Variants in TNIP1 observed in about 807,000 individuals in gnomAD.
The protein encoded by TNIP1 is TNFAIP3 interacting protein 1.
Under a neutral mutation model 86.6 loss-of-function variants are expected in TNIP1, and 22 were observed. The observed-to-expected ratio is 0.25, with a 90% confidence interval of 0.18 to 0.36. TNIP1 has a LOEUF of 0.36. Among genes scored for constraint, TNIP1 ranks in the 10% least tolerant of loss-of-function variants. The pLI is 1.00. For missense variants in TNIP1, 709 were observed against 820.6 expected, an observed-to-expected ratio of 0.86 and a Z score of 1.66; for synonymous variants, 294 against 313.0, an observed-to-expected ratio of 0.94 and a Z score of 0.64.
chr5:151,075,705 G>A (rs1270077081), intron 1 of TNIP1, among the ~76,000 whole-genome samples: 1 of 152,268 alleles, frequency 6.6e-6, no homozygotes, highest in Non-Finnish European at 1.5e-5. Context: ...ACAGAAGTGG[G>A]CTGGAGAGGG....
intron 1 of TNIP1, among the ~76,000 whole-genome samples, chr5:151,076,807 C>CCTGAA (rs1438826577): frequency 6.6e-6 from 1 of 152,184 alleles, no homozygotes; most frequent in Admixed American, 6.5e-5. Context: ...GCCCTGATCC[C>CCTGAA]AGGGGTCGGG....
At chr5:151,043,036 AC>A in intron 9 of TNIP1, 75 bp from the exon 10 acceptor site, 1 of 1,482,398 alleles carries the variant, frequency 6.7e-7, no homozygotes, top group Non-Finnish European at 9.4e-7. Context: ...CCCCATGTAC[AC>A]CAGCGTCCCA....
At chr5:151,036,749 C>T in intron 13 of TNIP1, 41 bp downstream of exon 13, 1 of 1,613,264 alleles carries the variant, frequency 6.2e-7, no homozygotes, top group Non-Finnish European at 8.5e-7. Context: ...CTCCAGCTCC[C>T]ACAGAGCACC....
At chr5:151,034,420 G>T in intron 15 of TNIP1, 1 of 268,404 alleles carries the variant, frequency 3.7e-6, no homozygotes, top group Non-Finnish European at 6.9e-6. Flanking sequence ...GGGCACGGAA[G>T]GCTGGGTACA....
chr5:151,078,405 C>T (rs1763633554), intron 1 of TNIP1: 6 of 152,188 alleles, frequency 3.9e-5, no homozygotes, highest in Admixed American at 1.3e-4. Flanking sequence ...GAAATACACT[C>T]GAGAGGACTA....
intron 6 of TNIP1, among the ~76,000 whole-genome samples, chr5:151,056,166 C>T (rs758128703): frequency 3.9e-5 from 6 of 152,206 alleles, no homozygotes; most frequent in Non-Finnish European, 5.9e-5. Context: ...TAAAGGGTCA[C>T]TACTGGAACC....
In TNIP1 at chr5:151,062,433, T is replaced by C. The variant is rs186282641; in HGVS notation, c.272-221A>G. Among the ~76,000 whole-genome samples, 12 of 152,350 alleles carry C rather than the reference T, an allele frequency of 7.9e-5. No homozygotes were observed. In the East Asian group the frequency reaches 2.3e-3, roughly 29 times the overall value. Reference sequence around the variant, plus strand: ...AGCAGAGAGACCATGCTCCCTGGGCTTACTGGGAAAATCCCAAGTTGGCTG... The same window carrying C: ...AGCAGAGAGACCATGCTCCCTGGGCCTACTGGGAAAATCCCAAGTTGGCTG... On this transcript the variant is annotated intron_variant, in intron 3 of 17. Transcript: ENST00000521591.
At chr5:151,083,679 C>T (rs921685606), upstream of TNIP1, among the ~76,000 whole-genome samples, 4 of 152,186 alleles carry the variant, frequency 2.6e-5, no homozygotes, top group African/African-American at 7.2e-5. Context: ...TTTTAAAGCA[C>T]GCAACTTCTC....
chr5:151,078,209 A>T (rs1450444699), intron 1 of TNIP1, among the ~76,000 whole-genome samples: 2 of 152,352 alleles, frequency 1.3e-5, no homozygotes, highest in South Asian at 4.1e-4. Context: ...AGAACACTGC[A>T]TGGCACTGGG....
chr5:151,057,024 T>C (rs1760759846), intron 5 of TNIP1, 67 bp from the exon 6 acceptor site: 24 of 1,301,162 alleles, frequency 1.8e-5, no homozygotes, highest in African/African-American at 3.1e-5. Flanking sequence ...CAGTCCATTC[T>C]CCCTCTGCTT....
At chr5:151,059,261 T>G (rs1761074916) in intron 5 of TNIP1, among the ~76,000 whole-genome samples, 1 of 152,232 alleles carries the variant, frequency 6.6e-6, no homozygotes, top group Non-Finnish European at 1.5e-5. Flanking sequence ...CTTGCCTCCA[T>G]GGCCAGCATC....
At chr5:151,053,320 G>A (rs1246505971) in intron 6 of TNIP1, among the ~76,000 whole-genome samples, 1 of 152,026 alleles carries the variant, frequency 6.6e-6, no homozygotes, top group Non-Finnish European at 1.5e-5. Flanking sequence ...ATGTTGGCCA[G>A]GCTGGTATCA....
At position 151,030,376 on chromosome 5, in the gene TNIP1, G is replaced by T. The variant is rs968823122; in HGVS notation, c.*337C>A. Reference sequence around the variant, plus strand: ...CTTCCGGGAGGTTTTGAAGGAAGGGGGTCTTGGCTGCCTCCCACTCTTAGG... The same window carrying T: ...CTTCCGGGAGGTTTTGAAGGAAGGGTGTCTTGGCTGCCTCCCACTCTTAGG... On this transcript the variant is annotated 3_prime_UTR_variant, in exon 18 of 18. Transcript: ENST00000521591. 2.1e-6 allele frequency: 1 copy of T among 470,202 alleles called. No individual in the cohort carries two copies. The highest frequency in any genetic ancestry group is 2.0e-5 in the African/African-American group (1 of 50,866). The allele number at this position is 470,202 out of a possible 1,614,324, so 29.1% of individuals were successfully genotyped here. A position where few individuals can be genotyped will look rare whatever the true frequency, so the allele number is the denominator to read the frequency against.
chr5:151,043,071 A>T, intron 9 of TNIP1, 110 bp from the exon 10 acceptor site: 3 of 1,090,590 alleles, frequency 2.8e-6, no homozygotes, highest in Non-Finnish European at 4.2e-6. Context: ...GTGTGTGAAT[A>T]GTGGCTACAG....
chr5:151,041,287 T>C (rs1424770955), intron 11 of TNIP1, among the ~76,000 whole-genome samples: 2 of 152,144 alleles, frequency 1.3e-5, no homozygotes, highest in African/African-American at 4.8e-5. Context: ...GCCAGGCTGG[T>C]CTCAAGCTCC....
chr5:151,044,915 C>T (rs1010706737), intron 9 of TNIP1, among the ~76,000 whole-genome samples: 1 of 152,144 alleles, frequency 6.6e-6, no homozygotes, highest in Non-Finnish European at 1.5e-5. Context: ...CTTAGTGGGA[C>T]TGGGGGACAT....
chr5:151,036,654 G>T, intron 13 of TNIP1, 136 bp downstream of exon 13: 1 of 1,333,750 alleles, frequency 7.5e-7, no homozygotes. Flanking sequence ...CCTAGAGCCA[G>T]TGGGGGGCCC....
At chr5:151,076,219 G>C (rs967138048) in intron 1 of TNIP1, among the ~76,000 whole-genome samples, 1 of 152,208 alleles carries the variant, frequency 6.6e-6, no homozygotes, top group Non-Finnish European at 1.5e-5. Context: ...GTTGGGAGCT[G>C]TGCTCCCCCA....
chr5:151,078,612 C>T (rs1016932744), intron 1 of TNIP1, among the ~76,000 whole-genome samples: 5 of 152,142 alleles, frequency 3.3e-5, no homozygotes, highest in Admixed American at 6.5e-5. Flanking sequence ...AAAGGGGCTG[C>T]TTTGCATAAA....
Sources: allele counts gnomAD v4.1 joint callset (sites outside exome capture counted in the v4.1 genomes callset), GRCh38; gene constraint gnomAD v4.1.1; transcripts MANE v1.5; gene names NCBI Gene and HGNC (gene_info 2026-07-23, HGNC 2026-07-21).